Variants in PIEZO2 observed in about 807,000 individuals in gnomAD.
PIEZO2 encodes the protein piezo-type mechanosensitive ion channel component 2.
A neutral mutation model predicts 337.3 loss-of-function variants in PIEZO2; 172 were observed. That is an observed-to-expected ratio of 0.51 (90% CI 0.45 to 0.58). The LOEUF (loss-of-function observed/expected upper bound fraction) is 0.58, where lower values mean the gene tolerates loss of function less well. PIEZO2 is among the 20% of genes least tolerant of loss of function. The pLI, the probability that PIEZO2 is intolerant of heterozygous loss-of-function variation, is 0.00. For missense variants in PIEZO2, 3,028 were observed against 3,391.3 expected (o/e 0.89, Z 2.66); for synonymous variants, 1,251 against 1,228.5 (o/e 1.02, Z -0.38).
chr18:10,789,728 G>T (rs1173590750), intron 14 of PIEZO2, among the ~76,000 whole-genome samples: 1 of 152,106 alleles, frequency 6.6e-6, no homozygotes, highest in African/African-American at 2.4e-5. Context: ...TTGCTTCATG[G>T]CTCTAGACAA....
chr18:11,010,809 T>G (rs1447015474), intron 2 of PIEZO2, among the ~76,000 whole-genome samples: 3 of 152,252 alleles, frequency 2.0e-5, no homozygotes, highest in Non-Finnish European at 4.4e-5. Flanking sequence ...TTGCACATAT[T>G]TACATATTTA....
intron 36 of PIEZO2, among the ~76,000 whole-genome samples, chr18:10,720,000 G>C (rs1046333623): frequency 6.6e-6 from 1 of 151,948 alleles, no homozygotes; most frequent in Non-Finnish European, 1.5e-5. Flanking sequence ...ATCTGATAGA[G>C]GATGTTGTCA....
rs1350594055 is a variant in PIEZO2, at chr18:10,993,017, T to A, written c.161-13357A>T. On this transcript the variant is annotated intron_variant, in intron 2 of 55. Transcript: ENST00000674853. The surrounding 1 kb of genome is among the most constrained non-coding windows in gnomAD (Gnocchi z 5.0). ...TGTGAATGTGAATTCATTCATGATT[T>A]GGCTGTTTGTCTGTTATTGGTGTAT... 6.6e-6 allele frequency among the ~76,000 whole-genome samples: 1 copy of A among 152,240 alleles called. No homozygotes were observed. Among genetic ancestry groups the A allele is most frequent in the Non-Finnish European group, 1.5e-5 (1 of 68,034 alleles).
At chr18:10,731,598 C>A in intron 35 of PIEZO2, 77 bp from the exon 36 acceptor site, 1 of 896,204 alleles carries the variant, frequency 1.1e-6, no homozygotes, top group Non-Finnish European at 1.6e-6. Flanking sequence ...AGCTTCCTGA[C>A]TTTTGAAATA....
intron 45 of PIEZO2, 117 bp from the exon 46 acceptor site, chr18:10,696,656 C>T: frequency 6.8e-6 from 8 of 1,177,402 alleles, no homozygotes; most frequent in Non-Finnish European, 8.4e-6. Flanking sequence ...AGTCAGGTCC[C>T]ACCTTCCTCT....
At chr18:10,958,292 A>G (rs2033625418) in intron 3 of PIEZO2, among the ~76,000 whole-genome samples, 1 of 152,172 alleles carries the variant, frequency 6.6e-6, no homozygotes, top group Non-Finnish European at 1.5e-5. Flanking sequence ...TGTGGCATCT[A>G]AAAAAGTCCA....
rs1382888403 is a variant in PIEZO2 at position 10,962,613 on chromosome 18, C to T, written c.286+16922G>A. ...ATTTTTGCCTCATTCAGCTGTGCTA[C>T]ATTGCCCCTCTTTCTTTGACTTTTC... On this transcript the variant is annotated intron_variant, in intron 3 of 55. Coordinates refer to ENST00000674853, the MANE Select transcript of PIEZO2 (RefSeq NM_001378183.1). The surrounding 1 kb of genome is among the most constrained non-coding windows in gnomAD (Gnocchi z 4.1). Among the ~76,000 whole-genome samples the T allele has an allele frequency of 1.3e-5, 2 of 152,202 alleles. No individual in the cohort carries two copies. Among genetic ancestry groups the T allele is most frequent in the South Asian group, 2.1e-4 (1 of 4,832 alleles).
At chr18:10,779,971 T>C (rs1338088027) in intron 18 of PIEZO2, among the ~76,000 whole-genome samples, 1 of 152,126 alleles carries the variant, frequency 6.6e-6, no homozygotes, top group Non-Finnish European at 1.5e-5. Context: ...GGAGGGTTTG[T>C]GGAGGAGGTG....
At chr18:10,709,076 TA>T (rs1250227283) in intron 39 of PIEZO2, 1 of 152,168 alleles carries the variant, frequency 6.6e-6, no homozygotes, top group Non-Finnish European at 1.5e-5. Flanking sequence ...ACATCAGAAA[TA>T]AAATAAAAGG....
At chr18:10,965,710 T>C (rs929799627) in intron 3 of PIEZO2, among the ~76,000 whole-genome samples, 1 of 152,202 alleles carries the variant, frequency 6.6e-6, no homozygotes, top group African/African-American at 2.4e-5. Context: ...TAATATTGAA[T>C]GACAAAAATC....
At chr18:11,103,024 T>G (rs1455970990) in intron 1 of PIEZO2, among the ~76,000 whole-genome samples, 1 of 152,084 alleles carries the variant, frequency 6.6e-6, no homozygotes. Flanking sequence ...GCACTAGGAA[T>G]GGGACAATCA....
At chr18:10,950,087 A>G (rs1178195236) in intron 3 of PIEZO2, among the ~76,000 whole-genome samples, 1 of 152,194 alleles carries the variant, frequency 6.6e-6, no homozygotes. Context: ...TACATTTGGT[A>G]AGAGTTTCTA....
rs2039908703 is a variant in PIEZO2, at chr18:11,116,966, T to G, written c.64+31559A>C. Among the ~76,000 whole-genome samples, 1 of 151,684 alleles carries G rather than the reference T, an allele frequency of 6.6e-6. No homozygotes were observed. Among genetic ancestry groups the G allele is most frequent in the Non-Finnish European group, 1.5e-5 (1 of 67,926 alleles). On this transcript the variant is annotated intron_variant, in intron 1 of 55. Transcript: ENST00000674853. This position sits in a 1 kb window ranked among gnomAD's most constrained non-coding sequence, Gnocchi z 5.0. ...TCTACTAAAAATATAAAAATTAGCC[T>G]GGCTTGGTGGCACGTGCCTGTAGTG...
Position 10,726,444 on chromosome 18 carries a change from C to A in PIEZO2, c.5029+4963G>T, listed in dbSNP as rs1473372582. 1.0e-5 allele frequency: 16 copies of A among 1,529,582 alleles called. No homozygotes were observed. The highest frequency in any genetic ancestry group is 2.3e-4 in the Middle Eastern group (1 of 4,388). 94.8% of individuals were successfully genotyped at this position (1,529,582 alleles called of 1,614,324 possible). A position where few individuals can be genotyped will look rare whatever the true frequency, so the allele number is the denominator to read the frequency against. On this transcript the variant is annotated intron_variant, in intron 36 of 55. Coordinates refer to ENST00000674853, the MANE Select transcript of PIEZO2 (RefSeq NM_001378183.1). This position sits in a 1 kb window ranked among gnomAD's most constrained non-coding sequence, Gnocchi z 5.9. ...GGAGGGCCGGCTGCGGTACGGGCTACGGCCGGCGAACCCCACGAGGAGGGC... is the reference window on the plus strand; with the variant it reads ...GGAGGGCCGGCTGCGGTACGGGCTAAGGCCGGCGAACCCCACGAGGAGGGC...
intron 7 of PIEZO2, among the ~76,000 whole-genome samples, chr18:10,852,119 A>C (rs1364858921): frequency 6.6e-6 from 1 of 152,264 alleles, no homozygotes; most frequent in Non-Finnish European, 1.5e-5. Context: ...GGAAACTAAA[A>C]GCATTAATTT....
At chr18:10,918,427 G>A (rs1436172925) in intron 3 of PIEZO2, among the ~76,000 whole-genome samples, 1 of 151,738 alleles carries the variant, frequency 6.6e-6, no homozygotes, top group African/African-American at 2.4e-5. Context: ...GATAATTGCT[G>A]TTGTTTATAT....
intron 13 of PIEZO2, among the ~76,000 whole-genome samples, chr18:10,791,867 G>C (rs960388044): frequency 2.0e-5 from 3 of 152,156 alleles, no homozygotes; most frequent in Non-Finnish European, 4.4e-5. Context: ...TTTTCTTAAG[G>C]ACTAAGAAAT....
chr18:10,780,869 G>T (rs2038958042), intron 17 of PIEZO2, among the ~76,000 whole-genome samples: 3 of 151,416 alleles, frequency 2.0e-5, no homozygotes, highest in Admixed American at 2.0e-4. Flanking sequence ...TACTATGTTG[G>T]CTTAGTTGGT....
chr18:11,075,980 G>T (rs1239760733), intron 1 of PIEZO2, among the ~76,000 whole-genome samples: 2 of 151,940 alleles, frequency 1.3e-5, no homozygotes, highest in Admixed American at 1.3e-4. Context: ...TAGAGACGGG[G>T]TTTCACTGTG....
Sources: allele counts gnomAD v4.1 joint callset (sites outside exome capture counted in the v4.1 genomes callset), GRCh38; gene constraint gnomAD v4.1.1; non-coding constraint Gnocchi (gnomAD v3.1); transcripts MANE v1.5; gene names NCBI Gene and HGNC (gene_info 2026-07-23, HGNC 2026-07-21).